The following TRIM4 variants were observed in gnomAD, a reference collection of about 807,000 sequenced individuals.
TRIM4 encodes E3 ubiquitin-protein ligase TRIM4.
A neutral mutation model predicts 33.7 loss-of-function variants in TRIM4; 29 were observed. The ratio of observed to expected loss-of-function variants is 0.86; its 90% confidence interval spans 0.64 to 1.17. The LOEUF is 1.17. Ranked by LOEUF, TRIM4 falls within the 50% of genes most tolerant of loss-of-function variation. TRIM4 has a pLI of 0.00. For missense variants in TRIM4, 554 were observed against 593.7 expected (o/e 0.93, Z 0.69); for synonymous variants, 224 against 233.0 (o/e 0.96, Z 0.35).
rs947485307 is a variant in TRIM4, at chr7:99,894,391, C to A, written c.842-1645G>T. Among the ~76,000 whole-genome samples the A allele has an allele frequency of 2.0e-5, 3 of 152,198 alleles. No individual in the cohort carries two copies. In the East Asian group the frequency reaches 5.8e-4, roughly 29 times the overall value. ...CCAAGAAAATCATCTGGGGACCAGG[C>A]GCGGTGGCTCATGCCTGTAATCCCA... On this transcript the variant is annotated intron_variant, in intron 5 of 5. Transcript: ENST00000349062.
chr7:99,919,318 G>A lies in TRIM4; in HGVS notation c.84C>T (p.Gly28=), dbSNP rs752392295. 2 of 1,566,170 alleles carry A rather than the reference G, an allele frequency of 1.3e-6. No homozygotes were observed. Among genetic ancestry groups the A allele is most frequent in the South Asian group, 1.2e-5 (1 of 85,644 alleles). The change falls in exon 1 of 6, where the codon GGC becomes GGT. Residue 28 remains glycine, a synonymous_variant. Coordinates refer to ENST00000349062, the MANE Select transcript of TRIM4 (RefSeq NM_033091.3). ...GCAGGCAGCCGCGGCAGAAGTTGTGGCCGCACTCGATGGACACCGGGTCCT... is the reference window on the plus strand; with the variant it reads ...GCAGGCAGCCGCGGCAGAAGTTGTGACCGCACTCGATGGACACCGGGTCCT... ...YFQDPVSIEC[G]HNFCRGCLHR...
intron 1 of TRIM4, among the ~76,000 whole-genome samples, chr7:99,913,667 T>A (rs1324883292): frequency 1.5e-5 from 2 of 134,206 alleles, no homozygotes; most frequent in Non-Finnish European, 1.7e-5. Context: ...TGAGACTCCA[T>A]CTCAAATAAA....
In TRIM4 at chr7:99,890,926, A is replaced by G. The variant is rs746213386; in HGVS notation, c.*1237T>C. Reference sequence around the variant, plus strand: ...CACTGCCTGAAAGTCTTTACTGAAAATCTGGGAGAAAATATATTGAAATGT... The same window carrying G: ...CACTGCCTGAAAGTCTTTACTGAAAGTCTGGGAGAAAATATATTGAAATGT... On this transcript the variant is annotated 3_prime_UTR_variant, in exon 6 of 6. Transcript: ENST00000349062. 3 of 152,228 alleles carry G rather than the reference A, an allele frequency of 2.0e-5. No homozygotes were observed. Among genetic ancestry groups the G allele is most frequent in the Non-Finnish European group, 2.9e-5 (2 of 68,032 alleles). 9.4% of individuals were successfully genotyped at this position (152,228 alleles called of 1,614,324 possible). A position where few individuals can be genotyped will look rare whatever the true frequency, so the allele number is the denominator to read the frequency against.
intron 1 of TRIM4, among the ~76,000 whole-genome samples, chr7:99,917,186 A>G (rs910528096): frequency 2.0e-5 from 3 of 152,184 alleles, no homozygotes; most frequent in Admixed American, 6.5e-5. Context: ...TCTCACACAC[A>G]CTGAAATTAA....
At chr7:99,910,510 A>G in intron 1 of TRIM4, among the ~76,000 whole-genome samples, 1 of 152,236 alleles carries the variant, frequency 6.6e-6, no homozygotes, top group East Asian at 1.9e-4. Context: ...AAAGCAAGCC[A>G]TAAGACAATA....
Position 99,891,362 on chromosome 7 carries a change from T to C in TRIM4, c.*801A>G, listed in dbSNP as rs997464838. The C allele has an allele frequency of 2.0e-5, 3 of 152,380 alleles. No homozygotes were observed. The highest frequency in any genetic ancestry group is 3.9e-4 in the East Asian group (2 of 5,194). The allele number at this position is 152,380 out of a possible 1,614,324, so 9.4% of individuals were successfully genotyped here. On this transcript the variant is annotated 3_prime_UTR_variant, in exon 6 of 6. Coordinates refer to ENST00000349062, the MANE Select transcript of TRIM4 (RefSeq NM_033091.3). Reference sequence around the variant, plus strand: ...GTGATGAGAGTCATATGCAACAGCATATGAAGAGGCTAGCAAAAGATATTT... The same window carrying C: ...GTGATGAGAGTCATATGCAACAGCACATGAAGAGGCTAGCAAAAGATATTT...
intron 5 of TRIM4, among the ~76,000 whole-genome samples, chr7:99,899,753 T>C (rs1168186884): frequency 1.3e-5 from 2 of 152,050 alleles, no homozygotes; most frequent in Non-Finnish European, 2.9e-5. Context: ...GTATGGTGGG[T>C]GGGTGTGTGT....
intron 5 of TRIM4, among the ~76,000 whole-genome samples, chr7:99,893,884 C>CT (rs1178996588): frequency 6.6e-6 from 1 of 151,384 alleles, no homozygotes; most frequent in Non-Finnish European, 1.5e-5. Flanking sequence ...AGTTTGAGGA[C>CT]TTTTTTTAAA....
intron 5 of TRIM4, among the ~76,000 whole-genome samples, chr7:99,900,768 G>A (rs750134898): frequency 6.6e-6 from 1 of 152,136 alleles, no homozygotes; most frequent in Non-Finnish European, 1.5e-5. Flanking sequence ...ACTTTAAAGA[G>A]TTTGCTTACT....
At chr7:99,911,899 G>A (rs1819452757) in intron 1 of TRIM4, among the ~76,000 whole-genome samples, 1 of 152,188 alleles carries the variant, frequency 6.6e-6, no homozygotes, top group African/African-American at 2.4e-5. Flanking sequence ...TTCATTGATA[G>A]GAAGGTGGAT....
chr7:99,909,732 T>G (rs76817729), intron 1 of TRIM4, 72 bp from the exon 2 acceptor site: 92,452 of 665,316 alleles, frequency 0.14, 1,940 homozygotes, highest in South Asian at 0.16. Context: ...TCTTTTTGTT[T>G]TTTTTTTTTT....
At chr7:99,915,770 A>C (rs1185043657) in intron 1 of TRIM4, among the ~76,000 whole-genome samples, 1 of 152,214 alleles carries the variant, frequency 6.6e-6, no homozygotes, top group East Asian at 1.9e-4. Context: ...ACCTTGTGAC[A>C]TTCAGCCCAT....
At chr7:99,916,367 T>A (rs1443523128) in intron 1 of TRIM4, among the ~76,000 whole-genome samples, 1 of 152,212 alleles carries the variant, frequency 6.6e-6, no homozygotes, top group Non-Finnish European at 1.5e-5. Flanking sequence ...AAGAACAGGC[T>A]GAGGATTCTA....
chr7:99,902,499 G>A (rs774631581), intron 5 of TRIM4, among the ~76,000 whole-genome samples: 11 of 152,000 alleles, frequency 7.2e-5, no homozygotes, highest in Non-Finnish European at 1.2e-4. Context: ...CGCCTGCCTC[G>A]ACCTCCCAAA....
intron 1 of TRIM4, 89 bp downstream of exon 1, chr7:99,918,920 G>T (rs1819623137): frequency 7.1e-7 from 1 of 1,405,670 alleles, no homozygotes; most frequent in Non-Finnish European, 9.3e-7. Context: ...AGGAATGACA[G>T]CCACTTCGTG....
chr7:99,919,123 C>T lies in TRIM4; in HGVS notation c.279G>A (p.Pro93=). The T allele has an allele frequency of 1.3e-6, 2 of 1,517,794 alleles. No homozygotes were observed. The highest frequency in any genetic ancestry group is 1.8e-6 in the Non-Finnish European group (2 of 1,132,280). The allele number at this position is 1,517,794 out of a possible 1,614,324, so 94.0% of individuals were successfully genotyped here. The part of the protein sequence containing the change: ...PPGLCGRHWE[P]LRLFCEDDQR... ...GGTCGTCCTCGCAGAAGAGCCGCAG[C>T]GGCTCCCAGTGGCGGCCGCACAGGC... is the stretch of plus-strand genomic sequence containing the variant. Residue 93 remains proline (P), a synonymous_variant, in exon 1 of 6, where the codon CCG becomes CCA. Coordinates refer to ENST00000349062, the MANE Select transcript of TRIM4 (RefSeq NM_033091.3).
intron 5 of TRIM4, among the ~76,000 whole-genome samples, chr7:99,897,448 GATA>G (rs1584261598): frequency 6.6e-6 from 1 of 152,136 alleles, no homozygotes; most frequent in Non-Finnish European, 1.5e-5. Flanking sequence ...TCCCGATGCA[GATA>G]ATGATAAATG....
intron 5 of TRIM4, among the ~76,000 whole-genome samples, chr7:99,896,531 T>C (rs1294341186): frequency 6.6e-6 from 1 of 152,204 alleles, no homozygotes; most frequent in Non-Finnish European, 1.5e-5. Flanking sequence ...ACCCAGCATA[T>C]AAGTCCTCAA....
Position 99,906,873 on chromosome 7 carries a change from T to A in TRIM4, c.720+1709A>T, listed in dbSNP as rs533940509. 1.2e-4 allele frequency among the ~76,000 whole-genome samples: 19 copies of A among 152,110 alleles called. No homozygotes were observed. In the East Asian group the frequency reaches 3.1e-3, roughly 25 times the overall value. ...AACCTAAATAAAATAAAAATAAAGA[T>A]AAACAATAAAGAGCAGATATTAATG... On this transcript the variant is annotated intron_variant, in intron 3 of 5. Transcript: ENST00000349062.
Sources: gnomAD v4.1 joint callset for allele counts (sites outside exome capture counted in the v4.1 genomes callset) on GRCh38, gnomAD v4.1.1 for gene constraint, MANE v1.5 for transcripts, NCBI Gene and HGNC (gene_info 2026-07-23, HGNC 2026-07-21) for gene names.